STAU2: variants seen among roughly 807,000 people sequenced by gnomAD.
STAU2 encodes staufen double-stranded RNA binding protein 2.
In STAU2, 20 loss-of-function variants were observed where a neutral mutation model predicts 65.9. The observed-to-expected ratio is 0.30, with a 90% CI of 0.21 to 0.44. The LOEUF (loss-of-function observed/expected upper bound fraction) is 0.44. Among genes scored for constraint, STAU2 ranks in the 20% least tolerant of loss-of-function variants. The pLI is 1.00. For synonymous variants in STAU2, 232 were observed against 233.9 expected (o/e 0.99, Z 0.07); for missense variants, 558 against 683.9 (o/e 0.82, Z 2.05).
chr8:73,558,031 T>G (rs1807919866), intron 12 of STAU2, among the ~76,000 whole-genome samples: 1 of 152,234 alleles, frequency 6.6e-6, no homozygotes, highest in African/African-American at 2.4e-5. Flanking sequence ...ATGGAGAAGA[T>G]ATGAAACTCT....
At position 73,449,681 on chromosome 8, in the gene STAU2, G is replaced by A. The variant is rs181273872; in HGVS notation, c.1531-26979C>T. Among the ~76,000 whole-genome samples the A allele has an allele frequency of 3.2e-3, 494 of 152,234 alleles. 1 individual carries two copies. The highest frequency in any genetic ancestry group is 0.017 in the Middle Eastern group (5 of 294). ...GGGCTGGGTGGGCAGTGGGACCACC[G>A]GCAAGAGGCCTGCAGGACAGATTAA... On this transcript the variant is annotated intron_variant, in intron 13 of 14. Transcript: ENST00000524300.
intron 8 of STAU2, among the ~76,000 whole-genome samples, chr8:73,614,850 A>G (rs1287908424): frequency 6.6e-6 from 1 of 152,204 alleles, no homozygotes; most frequent in African/African-American, 2.4e-5. Context: ...GATCTCAAGT[A>G]CATTCTCTCC....
intron 2 of STAU2, 45 bp downstream of exon 2, chr8:73,739,711 T>G: frequency 6.9e-7 from 1 of 1,449,014 alleles, no homozygotes; most frequent in Non-Finnish European, 9.0e-7. Flanking sequence ...GCACACGGCC[T>G]GGATATTGGT....
chr8:73,550,474 G>T (rs1163746758), intron 13 of STAU2: 1 of 985,800 alleles, frequency 1.0e-6, no homozygotes, highest in Non-Finnish European at 1.2e-6. Context: ...TGCAATTTGT[G>T]CTTTGTTTCT....
chr8:73,699,279 A>G (rs1819907890), intron 4 of STAU2, among the ~76,000 whole-genome samples: 1 of 152,122 alleles, frequency 6.6e-6, no homozygotes, highest in Admixed American at 6.5e-5. Flanking sequence ...GAAAAATAAG[A>G]GCAAACTAAA....
At chr8:73,729,069 G>T (rs2130741120) in intron 3 of STAU2, among the ~76,000 whole-genome samples, 1 of 152,212 alleles carries the variant, frequency 6.6e-6, no homozygotes, top group South Asian at 2.1e-4. Flanking sequence ...CATAAACGCT[G>T]AATGTTGAGG....
chr8:73,439,567 G>C (rs377352326), intron 13 of STAU2, among the ~76,000 whole-genome samples: 1 of 151,960 alleles, frequency 6.6e-6, no homozygotes, highest in Non-Finnish European at 1.5e-5. Flanking sequence ...GCAGTGACAG[G>C]GGTGGGAAAG....
chr8:73,548,623 G>A (rs1477108043), intron 13 of STAU2, among the ~76,000 whole-genome samples: 2 of 152,146 alleles, frequency 1.3e-5, no homozygotes, highest in African/African-American at 2.4e-5. Flanking sequence ...GATCAATAAT[G>A]AAATGCCCCT....
intron 6 of STAU2, among the ~76,000 whole-genome samples, chr8:73,619,649 G>A (rs1813085131): frequency 6.6e-6 from 1 of 152,142 alleles, no homozygotes; most frequent in Non-Finnish European, 1.5e-5. Flanking sequence ...TTGAAACCAT[G>A]CAAGTGGATA....
chr8:73,717,465 A>AT (rs1170891023), intron 3 of STAU2, among the ~76,000 whole-genome samples: 1 of 152,190 alleles, frequency 6.6e-6, no homozygotes, highest in Non-Finnish European at 1.5e-5. Flanking sequence ...GTATGAATCC[A>AT]TTTTTTGTAT....
chr8:73,544,354 T>C (rs1444589162), intron 13 of STAU2, among the ~76,000 whole-genome samples: 1 of 152,250 alleles, frequency 6.6e-6, no homozygotes, highest in East Asian at 1.9e-4. Flanking sequence ...TAGTTCATCT[T>C]GTACACTGCT....
At chr8:73,546,180 T>G (rs1417805448) in intron 13 of STAU2, among the ~76,000 whole-genome samples, 30 of 139,932 alleles carry the variant, frequency 2.1e-4, no homozygotes, top group Non-Finnish European at 4.1e-4. Context: ...TTGGCCAGGT[T>G]GGTCTCAAAC....
intron 4 of STAU2, among the ~76,000 whole-genome samples, chr8:73,690,712 C>T (rs111469555): frequency 0.032 from 4,915 of 152,228 alleles, 102 homozygotes; most frequent in Middle Eastern, 0.072. Context: ...CTAAACCATA[C>T]ATGAGTGTCT....
chr8:73,436,365 C>T lies in STAU2; in HGVS notation c.1531-13663G>A, dbSNP rs573386597. Among the ~76,000 whole-genome samples, 23 of 151,792 alleles carry T rather than the reference C, an allele frequency of 1.5e-4. No individual in the cohort carries two copies. In the South Asian group the frequency reaches 4.6e-3, roughly 30 times the overall value. On this transcript the variant is annotated intron_variant, in intron 13 of 14. Coordinates refer to ENST00000524300, the MANE Select transcript of STAU2 (RefSeq NM_001164380.2). Reference sequence around the variant, plus strand: ...CCTAGTGGTGGGAGGACAGCAAAGACGGAGCTAGAACAGACCTTTGCTCCG... The same window carrying T: ...CCTAGTGGTGGGAGGACAGCAAAGATGGAGCTAGAACAGACCTTTGCTCCG...
At chr8:73,741,254 A>G (rs1260703734) in intron 1 of STAU2, among the ~76,000 whole-genome samples, 1 of 145,110 alleles carries the variant, frequency 6.9e-6, no homozygotes, top group African/African-American at 2.6e-5. Flanking sequence ...GCAGTGAGCC[A>G]AGATCGCGCC....
chr8:73,556,326 G>A (rs751495985), intron 12 of STAU2, among the ~76,000 whole-genome samples: 5 of 152,006 alleles, frequency 3.3e-5, no homozygotes, highest in Admixed American at 6.6e-5. Flanking sequence ...AGTTAGAAGC[G>A]GAATTGCTAG....
intron 13 of STAU2, among the ~76,000 whole-genome samples, chr8:73,523,383 C>G (rs1414169750): frequency 6.6e-6 from 1 of 151,364 alleles, no homozygotes; most frequent in Non-Finnish European, 1.5e-5. Flanking sequence ...GGACTGCATA[C>G]GAGTACGTGA....
intron 13 of STAU2, among the ~76,000 whole-genome samples, chr8:73,500,394 A>T (rs1198040137): frequency 6.6e-6 from 1 of 150,512 alleles, no homozygotes; most frequent in Admixed American, 6.6e-5. Flanking sequence ...AACTTTGTGA[A>T]TTTTTTTTTT....
At position 73,617,284 on chromosome 8, in the gene STAU2, C is replaced by T; in HGVS notation, c.570+8G>A. The T allele has an allele frequency of 6.2e-7, 1 of 1,613,498 alleles. No individual in the cohort carries two copies. Among genetic ancestry groups the T allele is most frequent in the Non-Finnish European group, 8.5e-7 (1 of 1,179,770 alleles). On this transcript the variant is annotated splice_region_variant and intron_variant, in intron 7 of 14. Transcript: ENST00000524300. ...AAGAACAGACTGTCACATGCAGCAG[C>T]ACCACACCTGAGGAGATCTTTCTGG...
Sources: allele counts gnomAD v4.1 joint callset (sites outside exome capture counted in the v4.1 genomes callset), GRCh38; gene constraint gnomAD v4.1.1; transcripts MANE v1.5; gene names NCBI Gene and HGNC (gene_info 2026-07-23, HGNC 2026-07-21).